TNRC18: variants seen among roughly 807,000 people sequenced by gnomAD.
TNRC18 encodes the protein trinucleotide repeat containing 18, also known as trinucleotide repeat-containing gene 18 protein.
Under a neutral mutation model 226.7 loss-of-function variants are expected in TNRC18, and 69 were observed. That is an observed-to-expected ratio of 0.30 (90% confidence interval 0.25 to 0.37). TNRC18 has a LOEUF of 0.37. TNRC18 is among the 10% of genes least tolerant of loss of function. The probability of loss-of-function intolerance (pLI) is 1.00; values close to 1 mark genes in which losing one functional copy is unlikely to be tolerated. For synonymous variants in TNRC18, 2,449 were observed against 1,927.6 expected (o/e 1.27, Z -7.09); for missense variants, 4,754 against 4,256.6 (o/e 1.12, Z -3.25).
intron 27 of TNRC18, among the ~76,000 whole-genome samples, chr7:5,310,136 C>G (rs1459570875): frequency 6.6e-6 from 1 of 152,168 alleles, no homozygotes; most frequent in Non-Finnish European, 1.5e-5. Flanking sequence ...CTTTTGGCCT[C>G]AAGTGATCCT....
Position 5,357,048 on chromosome 7 carries a change from G to A in TNRC18, c.5062C>T (p.Leu1688=). ...KALAKGLGLS[L]KSSREGKHKR... is the part of the protein sequence containing the mutation. ...TGTTTACCTTCTCTGGAGGATTTCA[G>A]AGACAGGCCGAGGCCCTTGGCCAGC... The change falls in exon 16 of 30, where the codon CTG becomes TTG. Residue 1688 remains leucine (L), a synonymous_variant. Coordinates refer to ENST00000430969, the MANE Select transcript of TNRC18 (RefSeq NM_001080495.3). The A allele has an allele frequency of 6.4e-7, 1 of 1,552,198 alleles. No individual in the cohort carries two copies. The highest frequency in any genetic ancestry group is 8.7e-7 in the Non-Finnish European group (1 of 1,147,110).
chr7:5,405,517 C>T (rs972394395), intron 2 of TNRC18, among the ~76,000 whole-genome samples: 2 of 151,992 alleles, frequency 1.3e-5, no homozygotes, highest in Non-Finnish European at 2.9e-5. Flanking sequence ...TGCAGTGAGC[C>T]GAGATTGTGC....
At position 5,387,811 on chromosome 7, in the gene TNRC18, G is replaced by C. The variant is rs750025184; in HGVS notation, c.2013C>G (p.Ala671=). Reference sequence around the variant, plus strand: ...GGTGTCGCACTTCTGCCTCACCCTGGGCACCAGAGCCCTCGCGCCCGAAAG... The same window carrying C: ...GGTGTCGCACTTCTGCCTCACCCTGCGCACCAGAGCCCTCGCGCCCGAAAG... ...AKAFGREGSG[A]QGEAEVRHPP... The change falls in exon 5 of 30, where the codon GCC becomes GCG. Residue 671 remains alanine (A), a synonymous_variant. Transcript: ENST00000430969. 8.1e-6 allele frequency: 13 copies of C among 1,607,358 alleles called. No individual in the cohort carries two copies. The highest frequency in any genetic ancestry group is 9.3e-6 in the Non-Finnish European group (11 of 1,179,672).
intron 2 of TNRC18, among the ~76,000 whole-genome samples, chr7:5,402,165 C>A (rs574946623): frequency 8.1e-6 from 1 of 123,160 alleles, no homozygotes; most frequent in African/African-American, 3.3e-5. Flanking sequence ...GGCAACACAG[C>A]GAGACTCTGT....
chr7:5,372,744 A>G (rs2128174754), intron 10 of TNRC18, among the ~76,000 whole-genome samples: 1 of 152,210 alleles, frequency 6.6e-6, no homozygotes. Context: ...CAGCAGGGCT[A>G]GCTGCAGTGG....
chr7:5,345,968 C>A (rs1486392098), intron 17 of TNRC18, among the ~76,000 whole-genome samples, 158 bp from the exon 18 acceptor site: 2 of 152,120 alleles, frequency 1.3e-5, no homozygotes, highest in East Asian at 3.9e-4. Context: ...CCCACGGGTT[C>A]CCCCCATCCG....
intron 19 of TNRC18, among the ~76,000 whole-genome samples, chr7:5,328,549 C>T (rs1341469574): frequency 6.6e-6 from 1 of 151,628 alleles, no homozygotes; most frequent in Non-Finnish European, 1.5e-5. Context: ...CGCTCTGCCA[C>T]CCAGGCTGGA....
intron 18 of TNRC18, 42 bp from the exon 19 acceptor site, chr7:5,333,091 G>A (rs775832493): frequency 4.2e-5 from 65 of 1,537,406 alleles, no homozygotes; most frequent in Admixed American, 9.7e-5. Context: ...GCCTCGTGGG[G>A]ACCCCTTCCC....
At chr7:5,323,327 G>C (rs1034735726) in intron 21 of TNRC18, among the ~76,000 whole-genome samples, 1 of 151,574 alleles carries the variant, frequency 6.6e-6, no homozygotes, top group African/African-American at 2.4e-5. Flanking sequence ...CTCAGGGACA[G>C]GGCTTCCCCC....
intron 17 of TNRC18, among the ~76,000 whole-genome samples, chr7:5,347,495 C>G (rs551846494): frequency 2.0e-5 from 3 of 151,806 alleles, no homozygotes; most frequent in Admixed American, 6.6e-5. Context: ...CACACCCAGC[C>G]CCCCCGCAAA....
chr7:5,389,590 G>T (rs1285845950), intron 4 of TNRC18: 7 of 288,660 alleles, frequency 2.4e-5, no homozygotes, highest in Admixed American at 5.3e-5. Flanking sequence ...CGGTAGCTGG[G>T]ATTACAGGCG....
At chr7:5,316,499 G>A (rs535308080) in intron 24 of TNRC18, among the ~76,000 whole-genome samples, 2 of 152,006 alleles carry the variant, frequency 1.3e-5, no homozygotes, top group Non-Finnish European at 1.5e-5. Context: ...GGCTGGTCTC[G>A]AACTCCCGAC....
At chr7:5,407,662 G>A (rs1289754339) in intron 2 of TNRC18, among the ~76,000 whole-genome samples, 1 of 152,208 alleles carries the variant, frequency 6.6e-6, no homozygotes, top group Non-Finnish European at 1.5e-5. Context: ...TAAATAAAGG[G>A]AATCCCAAAG....
At chr7:5,356,832 G>GA (rs1408189780) in intron 16 of TNRC18, 84 bp downstream of exon 16, 54 of 1,435,612 alleles carry the variant, frequency 3.8e-5, no homozygotes, top group Admixed American at 8.0e-5. Context: ...GTGAGGGGCG[G>GA]GGGGGGAAGG....
chr7:5,356,834 G>A lies in TNRC18; in HGVS notation c.5194+82C>T, dbSNP rs945901054. On this transcript the variant is annotated intron_variant, in intron 16 of 29. Transcript: ENST00000430969. ...AGCGAGAGAGAGAGTGAGGGGCGGG[G>A]GGGGAAGGAGGACGGTGGAGAGAAG... 1.7e-4 allele frequency: 251 copies of A among 1,439,364 alleles called. 1 individual carries two copies. The highest frequency in any genetic ancestry group is 2.2e-4 in the Non-Finnish European group (240 of 1,088,602). 89.2% of individuals were successfully genotyped at this position (1,439,364 alleles called of 1,614,324 possible). A position where few individuals can be genotyped will look rare whatever the true frequency, so the allele number is the denominator to read the frequency against.
At chr7:5,361,856 C>G in intron 13 of TNRC18, 41 bp downstream of exon 13, 2 of 1,513,016 alleles carry the variant, frequency 1.3e-6, no homozygotes, top group Non-Finnish European at 1.8e-6. Context: ...CCTGGTGGGC[C>G]GGGGCAGGGG....
At chr7:5,382,241 C>T (rs1243349002) in intron 5 of TNRC18, among the ~76,000 whole-genome samples, 1 of 152,218 alleles carries the variant, frequency 6.6e-6, no homozygotes, top group African/African-American at 2.4e-5. Flanking sequence ...CTGCTGACCA[C>T]CAACATACAC....
At chr7:5,355,914 C>T (rs1331128719) in intron 16 of TNRC18, among the ~76,000 whole-genome samples, 1 of 152,022 alleles carries the variant, frequency 6.6e-6, no homozygotes, top group East Asian at 1.9e-4. Context: ...GCCCATAATC[C>T]CAGCACTTTG....
At position 5,356,978 on chromosome 7, in the gene TNRC18, G is replaced by A. The variant is rs771458862; in HGVS notation, c.5132C>T (p.Ala1711Val). 1.3e-6 allele frequency: 2 copies of A among 1,552,140 alleles called. No homozygotes were observed. Among genetic ancestry groups the A allele is most frequent in the South Asian group, 1.2e-5 (1 of 84,048 alleles). Residue 1711 changes from alanine to valine, a missense_variant, in exon 16 of 30, where the codon GCC (alanine) becomes GTC (valine). Coordinates refer to ENST00000430969, the MANE Select transcript of TNRC18 (RefSeq NM_001080495.3). ...ATGGGCCGACTTGGGCTGGCCTCTGGCCTTGAACCCCACCTCCATCTTCCT... is the reference window on the plus strand; with the variant it reads ...ATGGGCCGACTTGGGCTGGCCTCTGACCTTGAACCCCACCTCCATCTTCCT... ...KTRKMEVGFK[A>V]RGQPKSAHSP...
Sources: gnomAD v4.1 joint callset for allele counts (sites outside exome capture counted in the v4.1 genomes callset) on GRCh38, gnomAD v4.1.1 for gene constraint, MANE v1.5 for transcripts, NCBI Gene and HGNC (gene_info 2026-07-23, HGNC 2026-07-21) for gene names.